CTNNA3: variants seen among roughly 807,000 people sequenced by gnomAD.
The protein encoded by CTNNA3 is catenin alpha 3, also known as catenin alpha-3.
In CTNNA3, 76 loss-of-function variants were observed where a neutral mutation model predicts 95.7. The ratio of observed to expected loss-of-function variants is 0.79; its 90% confidence interval spans 0.66 to 0.96. The LOEUF is 0.96. Among genes scored for constraint, CTNNA3 ranks in the 40% least tolerant of loss-of-function variants. CTNNA3 has a pLI of 0.00. For synonymous variants in CTNNA3, 431 were observed against 374.4 expected, an observed-to-expected ratio of 1.15 and a Z score of -1.74; for missense variants, 1,191 against 1,089.8, an observed-to-expected ratio of 1.09 and a Z score of -1.31.
intron 11 of CTNNA3, among the ~76,000 whole-genome samples, chr10:66,454,456 C>A (rs1311663266): frequency 1.3e-5 from 2 of 152,020 alleles, no homozygotes; most frequent in African/African-American, 4.8e-5. Flanking sequence ...AAAACTAGAA[C>A]AATTTTATGG....
intron 7 of CTNNA3, among the ~76,000 whole-genome samples, chr10:66,999,146 T>C (rs1464845839): frequency 6.6e-6 from 1 of 152,152 alleles, no homozygotes; most frequent in Non-Finnish European, 1.5e-5. Context: ...TGTACTACTT[T>C]TATTTATCAT....
At chr10:67,461,425 G>A (rs900400216) in intron 5 of CTNNA3, among the ~76,000 whole-genome samples, 2 of 152,018 alleles carry the variant, frequency 1.3e-5, no homozygotes, top group Non-Finnish European at 1.5e-5. Flanking sequence ...TTAGCTTGTA[G>A]TCTATGAAAA....
chr10:67,208,893 A>G (rs2132234020), intron 6 of CTNNA3, among the ~76,000 whole-genome samples: 1 of 152,336 alleles, frequency 6.6e-6, no homozygotes, highest in Non-Finnish European at 1.5e-5. Flanking sequence ...GGAAGCCAAG[A>G]ATATCAATAT....
At chr10:66,320,766 T>C (rs2092171883) in intron 12 of CTNNA3, among the ~76,000 whole-genome samples, 1 of 151,994 alleles carries the variant, frequency 6.6e-6, no homozygotes, top group Admixed American at 6.6e-5. Context: ...TGTAACACCA[T>C]AAAAAAGAGA....
intron 15 of CTNNA3, among the ~76,000 whole-genome samples, chr10:66,048,720 C>T (rs937458869): frequency 3.9e-5 from 6 of 152,116 alleles, no homozygotes; most frequent in African/African-American, 1.4e-4. Flanking sequence ...AAGATCGTGC[C>T]ACTGCACTCC....
chr10:66,565,554 G>T (rs976326302), intron 10 of CTNNA3, among the ~76,000 whole-genome samples: 3 of 152,154 alleles, frequency 2.0e-5, no homozygotes, highest in Admixed American at 2.0e-4. Flanking sequence ...AACATCAAAT[G>T]AAGTAGGGAA....
rs67598003 is a variant in CTNNA3 at position 66,942,548 on chromosome 10, GTCTCTCTC to G, written c.1048-167032_1048-167025del. On this transcript the variant is annotated intron_variant, in intron 7 of 17. Coordinates refer to ENST00000433211, the MANE Select transcript of CTNNA3 (RefSeq NM_013266.4). ...TCTCTCTTTAAAACATTGCCATAAT[GTCTCTCTC>G]TCTCTCTCTCTCTCTCTCTCTGTGT... Among the ~76,000 whole-genome samples the G allele has an allele frequency of 9.6e-3, 1,415 of 148,076 alleles. 22 individuals carry two copies. Among genetic ancestry groups the G allele is most frequent in the East Asian group, 0.035 (174 of 5,034 alleles).
intron 12 of CTNNA3, among the ~76,000 whole-genome samples, chr10:66,308,291 G>C (rs1427314452): frequency 6.6e-6 from 1 of 151,850 alleles, no homozygotes; most frequent in African/African-American, 2.4e-5. Context: ...TTTCACATTA[G>C]GTTTAACTTT....
chr10:67,114,360 A>T (rs558008879), intron 7 of CTNNA3, among the ~76,000 whole-genome samples: 51 of 152,272 alleles, frequency 3.3e-4, no homozygotes, highest in African/African-American at 1.2e-3. Context: ...AGTAAAATGG[A>T]AATGTAAAAA....
At chr10:66,468,554 G>C (rs531325862) in intron 11 of CTNNA3, among the ~76,000 whole-genome samples, 4 of 151,998 alleles carry the variant, frequency 2.6e-5, no homozygotes, top group Non-Finnish European at 5.9e-5. Context: ...TGTGCAGCAT[G>C]GTGGCTATAA....
intron 5 of CTNNA3, among the ~76,000 whole-genome samples, chr10:67,317,711 A>G (rs749552451): frequency 7.2e-5 from 11 of 152,086 alleles, no homozygotes; most frequent in Non-Finnish European, 1.6e-4. Flanking sequence ...AGGCTGAGCC[A>G]CCGCGCCTGG....
chr10:66,047,064 G>A (rs987256242), intron 15 of CTNNA3, among the ~76,000 whole-genome samples: 6 of 152,098 alleles, frequency 3.9e-5, no homozygotes, highest in African/African-American at 1.4e-4. Flanking sequence ...AGAAGAGCTG[G>A]TACCATTCCT....
intron 9 of CTNNA3, among the ~76,000 whole-genome samples, chr10:66,710,404 A>C (rs1848252814): frequency 6.6e-6 from 1 of 152,056 alleles, no homozygotes; most frequent in African/African-American, 2.4e-5. Flanking sequence ...TTGAGAAAAT[A>C]TTTTTCTAAC....
intron 5 of CTNNA3, among the ~76,000 whole-genome samples, chr10:67,347,844 A>AAAC (rs1564585000): frequency 6.6e-6 from 1 of 151,266 alleles, no homozygotes; most frequent in African/African-American, 2.4e-5. Flanking sequence ...AAAAAAAAAA[A>AAAC]AAAACACAAA....
intron 13 of CTNNA3, among the ~76,000 whole-genome samples, chr10:66,119,503 T>G (rs762895490): frequency 6.6e-6 from 1 of 152,162 alleles, no homozygotes; most frequent in African/African-American, 2.4e-5. Flanking sequence ...TGCAGACAAA[T>G]GTATACATAT....
intron 7 of CTNNA3, among the ~76,000 whole-genome samples, chr10:67,123,781 A>G (rs1859579079): frequency 6.6e-6 from 1 of 152,194 alleles, no homozygotes; most frequent in African/African-American, 2.4e-5. Flanking sequence ...TGTAATCTTG[A>G]ATTAATCAGA....
intron 10 of CTNNA3, among the ~76,000 whole-genome samples, chr10:66,564,968 A>T (rs1419433189): frequency 2.6e-5 from 4 of 152,214 alleles, no homozygotes; most frequent in Non-Finnish European, 5.9e-5. Flanking sequence ...GGCTATTTCC[A>T]CTGGGCAGCT....
At chr10:66,562,265 C>T (rs79598644) in intron 10 of CTNNA3, among the ~76,000 whole-genome samples, 7,595 of 152,116 alleles carry the variant, frequency 0.05, 247 homozygotes, top group African/African-American at 0.075. Context: ...ACAAATTTCT[C>T]TTATTTACAT....
At position 66,064,600 on chromosome 10, in the gene CTNNA3, T is replaced by C. The variant is rs551165681; in HGVS notation, c.2159+4708A>G. Among the ~76,000 whole-genome samples the C allele has an allele frequency of 2.0e-5, 3 of 152,290 alleles. No homozygotes were observed. The East Asian group carries it at 5.8e-4, about 29-fold the overall frequency. ...CCGTTGATGCTCCATCAAGCTGGTG[T>C]GTGAAAATATCTCTGGTTCCCCTTT... On this transcript the variant is annotated intron_variant, in intron 15 of 17. Transcript: ENST00000433211.
Sources: gnomAD v4.1 joint callset for allele counts (sites outside exome capture counted in the v4.1 genomes callset) on GRCh38, gnomAD v4.1.1 for gene constraint, MANE v1.5 for transcripts, NCBI Gene and HGNC (gene_info 2026-07-23, HGNC 2026-07-21) for gene names.